The following NOL10 variants were observed in gnomAD, a reference collection of about 807,000 sequenced individuals.
NOL10 encodes H_NH0074G24.1.
NOL10 carries 58 observed loss-of-function variants against 103.5 expected under a neutral mutation model. The observed-to-expected ratio is 0.56, with a 90% CI of 0.45 to 0.70. The LOEUF is 0.70. Among genes scored for constraint, NOL10 ranks in the 30% least tolerant of loss-of-function variants. The pLI is 0.00. For missense variants in NOL10, 763 were observed against 807.3 expected (o/e 0.95, Z 0.67); for synonymous variants, 287 against 282.5 (o/e 1.02, Z -0.16).
chr2:10,645,602 C>T (rs1420940198), intron 12 of NOL10, among the ~76,000 whole-genome samples: 3 of 149,274 alleles, frequency 2.0e-5, no homozygotes, highest in African/African-American at 5.0e-5. Context: ...GGCGTGGTCT[C>T]GGCTCACTGC....
At chr2:10,660,892 G>A (rs1363789082) in intron 9 of NOL10, among the ~76,000 whole-genome samples, 1 of 149,094 alleles carries the variant, frequency 6.7e-6, no homozygotes, top group Admixed American at 6.7e-5. Flanking sequence ...AGAAGTGACA[G>A]CTTATAAGGT....
chr2:10,638,021 C>T (rs889712998), intron 13 of NOL10, among the ~76,000 whole-genome samples: 7 of 152,140 alleles, frequency 4.6e-5, no homozygotes, highest in African/African-American at 1.4e-4. Context: ...GTGACTTACA[C>T]CTGTAATCCC....
chr2:10,671,409 CTT>C (rs5829273), intron 6 of NOL10, 143 bp downstream of exon 6: 18,701 of 446,300 alleles, frequency 0.042, no homozygotes, highest in East Asian at 0.058. Flanking sequence ...GTTTTCTTTT[CTT>C]TTTTTTTTTT....
intron 17 of NOL10, among the ~76,000 whole-genome samples, chr2:10,596,299 A>C (rs907276363): frequency 6.7e-6 from 1 of 149,500 alleles, no homozygotes; most frequent in Admixed American, 6.8e-5. Flanking sequence ...GGATGATTCA[A>C]GCGCATTACA....
chr2:10,599,084 T>TGG (rs34731464), intron 17 of NOL10, among the ~76,000 whole-genome samples: 3 of 151,688 alleles, frequency 2.0e-5, no homozygotes. Context: ...TACAAAGAAA[T>TGG]GGGGGGAAGG....
chr2:10,613,645 C>T (rs6432120), intron 13 of NOL10, among the ~76,000 whole-genome samples: 89,949 of 152,010 alleles, frequency 0.59, 27,625 homozygotes, highest in African/African-American at 0.74. Context: ...TTTTACCTTT[C>T]AGTGATCTTA....
chr2:10,584,888 T>C (rs1197156836), intron 19 of NOL10, among the ~76,000 whole-genome samples: 3 of 152,208 alleles, frequency 2.0e-5, no homozygotes, highest in African/African-American at 7.2e-5. Context: ...TACAAATTTT[T>C]ATCCTCTTTG....
chr2:10,646,391 T>A (rs556523942), intron 12 of NOL10, among the ~76,000 whole-genome samples: 64 of 152,286 alleles, frequency 4.2e-4, no homozygotes, highest in African/African-American at 1.5e-3. Context: ...AGGGCTCTAA[T>A]GTAATTACAC....
intron 13 of NOL10, among the ~76,000 whole-genome samples, chr2:10,631,657 C>T (rs1677851860): frequency 6.6e-6 from 1 of 152,030 alleles, no homozygotes. Flanking sequence ...AGCCAAAGAA[C>T]TGATGCTAAT....
chr2:10,591,677 T>C (rs143666489), intron 17 of NOL10, among the ~76,000 whole-genome samples: 12 of 151,594 alleles, frequency 7.9e-5, no homozygotes, highest in African/African-American at 2.7e-4. Flanking sequence ...AAGGAGAAGA[T>C]GGATGATCAA....
chr2:10,582,938 G>A (rs528161013), intron 19 of NOL10, among the ~76,000 whole-genome samples: 2 of 152,296 alleles, frequency 1.3e-5, no homozygotes, highest in Admixed American at 1.3e-4. Flanking sequence ...TGTTTACTGT[G>A]TTTTCTATCT....
In NOL10 at chr2:10,591,929, G is replaced by T. The variant is rs535013201; in HGVS notation, c.1423-2178C>A. On this transcript the variant is annotated intron_variant, in intron 17 of 20. Transcript: ENST00000381685. ...GAGGTAGGAGGATCGCTTGAGCCTG[G>T]GAAGTCAGGGCTGCAGTGAGTTGAG... is the stretch of plus-strand genomic sequence containing the variant. Among the ~76,000 whole-genome samples, 13 of 152,228 alleles carry T rather than the reference G, an allele frequency of 8.5e-5. 1 individual carries two copies. In the South Asian group the frequency reaches 2.7e-3, roughly 32 times the overall value.
chr2:10,627,055 C>T (rs1222858355), intron 13 of NOL10, among the ~76,000 whole-genome samples: 1 of 152,168 alleles, frequency 6.6e-6, no homozygotes, highest in Non-Finnish European at 1.5e-5. Flanking sequence ...AAAAAGGCCA[C>T]AGATACTGTT....
intron 14 of NOL10, among the ~76,000 whole-genome samples, chr2:10,606,235 T>C (rs1341920829): frequency 2.6e-5 from 4 of 151,954 alleles, no homozygotes; most frequent in African/African-American, 9.7e-5. Flanking sequence ...TCTTTTTTTT[T>C]TTTTTGCCTC....
chr2:10,652,494 T>C (rs1679540335), intron 12 of NOL10, among the ~76,000 whole-genome samples: 1 of 152,200 alleles, frequency 6.6e-6, no homozygotes, highest in Non-Finnish European at 1.5e-5. Context: ...ATCATCCAGA[T>C]TGATAACAGC....
chr2:10,603,926 G>A (rs889143985), intron 14 of NOL10, among the ~76,000 whole-genome samples: 1 of 152,186 alleles, frequency 6.6e-6, no homozygotes, highest in African/African-American at 2.4e-5. Flanking sequence ...GAACATTTAC[G>A]ATATATGTCA....
intron 6 of NOL10, 109 bp downstream of exon 6, chr2:10,671,444 CT>C: frequency 1.7e-6 from 1 of 593,672 alleles, no homozygotes; most frequent in Non-Finnish European, 2.4e-6. Flanking sequence ...CCACGTATCA[CT>C]TTTTTATTAA....
chr2:10,659,545 G>A (rs1000503359), intron 9 of NOL10, among the ~76,000 whole-genome samples: 2 of 151,778 alleles, frequency 1.3e-5, no homozygotes, highest in Non-Finnish European at 2.9e-5. Flanking sequence ...ATAGCCAGTT[G>A]TGGTGGCACA....
Position 10,651,680 on chromosome 2 carries a change from C to G in NOL10, c.973+2801G>C, listed in dbSNP as rs375485217. ...TGTGCCCTTCAAACTGTCACTCCCCCAGTCGCACTATCCCTGCTCGTCACC... is the reference window on the plus strand; with the variant it reads ...TGTGCCCTTCAAACTGTCACTCCCCGAGTCGCACTATCCCTGCTCGTCACC... On this transcript the variant is annotated intron_variant, in intron 12 of 20. Coordinates refer to ENST00000381685, the MANE Select transcript of NOL10 (RefSeq NM_024894.4). 1.1e-4 allele frequency among the ~76,000 whole-genome samples: 16 copies of G among 152,232 alleles called. No homozygotes were observed. In the South Asian group the frequency reaches 2.7e-3, roughly 26 times the overall value.
Sources: allele counts gnomAD v4.1 joint callset (sites outside exome capture counted in the v4.1 genomes callset), GRCh38; gene constraint gnomAD v4.1.1; transcripts MANE v1.5; gene names NCBI Gene and HGNC (gene_info 2026-07-23, HGNC 2026-07-21).